The following SH3RF2 variants were observed in gnomAD, a reference collection of about 807,000 sequenced individuals.
SH3RF2 encodes SH3 domain containing ring finger 2.
SH3RF2 carries 43 observed loss-of-function variants against 59.0 expected under a neutral mutation model. That is an observed-to-expected ratio of 0.73 (90% CI 0.57 to 0.94). SH3RF2 has a LOEUF of 0.94. Ranked by LOEUF, SH3RF2 falls within the 40% of genes least tolerant of loss-of-function variation. SH3RF2 has a pLI of 0.00. For missense variants in SH3RF2, 930 were observed against 940.1 expected, an observed-to-expected ratio of 0.99 and a Z score of 0.14; for synonymous variants, 391 against 391.5, an observed-to-expected ratio of 1.00 and a Z score of 0.01.
intron 5 of SH3RF2, among the ~76,000 whole-genome samples, chr5:146,030,015 C>A (rs528748101): frequency 6.6e-6 from 1 of 152,308 alleles, no homozygotes; most frequent in African/African-American, 2.4e-5. Flanking sequence ...ATTGCAAGCA[C>A]CAGTTTGTCT....
intron 5 of SH3RF2, among the ~76,000 whole-genome samples, chr5:146,016,405 T>TGG (rs1580864762): frequency 2.0e-5 from 3 of 151,706 alleles, no homozygotes; most frequent in South Asian, 4.2e-4. Context: ...GATGGATGGA[T>TGG]AGATGATTGA....
At chr5:145,945,681 A>G (rs1274195978) in intron 2 of SH3RF2, among the ~76,000 whole-genome samples, 1 of 152,096 alleles carries the variant, frequency 6.6e-6, no homozygotes, top group Non-Finnish European at 1.5e-5. Flanking sequence ...GAAGGGAAGG[A>G]AACAGATAGA....
Position 146,037,671 on chromosome 5 carries a change from A to C in SH3RF2, c.1060-10101A>C, listed in dbSNP as rs187232358. ...CTTCAGAATAACATTGTAAGCATTT[A>C]AGAAATAGAATCAGCAATTTAAAAT... On this transcript the variant is annotated intron_variant, in intron 5 of 9. Coordinates refer to ENST00000359120, the MANE Select transcript of SH3RF2 (RefSeq NM_152550.4). Among the ~76,000 whole-genome samples, 25 of 152,358 alleles carry C rather than the reference A, an allele frequency of 1.6e-4. No individual in the cohort carries two copies. The East Asian group carries it at 3.1e-3, about 19-fold the overall frequency.
intron 2 of SH3RF2, among the ~76,000 whole-genome samples, chr5:145,993,502 C>T (rs182119322): frequency 6.6e-6 from 1 of 152,366 alleles, no homozygotes; most frequent in Admixed American, 6.5e-5. Flanking sequence ...CAGGTGTTTC[C>T]ATACATCTTC....
At chr5:146,056,238 G>A in intron 8 of SH3RF2, 25 bp downstream of exon 8, 2 of 1,613,860 alleles carry the variant, frequency 1.2e-6, no homozygotes, top group Non-Finnish European at 1.7e-6. Flanking sequence ...AGAGGTACGT[G>A]CCTAGAGCTA....
chr5:145,967,842 T>C (rs1473574614), intron 2 of SH3RF2, among the ~76,000 whole-genome samples: 2 of 152,114 alleles, frequency 1.3e-5, no homozygotes, highest in Non-Finnish European at 2.9e-5. Context: ...ATATTTTTAG[T>C]AGAGACAGGG....
At chr5:145,955,243 G>A (rs1005460247) in intron 2 of SH3RF2, among the ~76,000 whole-genome samples, 1 of 152,150 alleles carries the variant, frequency 6.6e-6, no homozygotes, top group Non-Finnish European at 1.5e-5. Context: ...ACAAAATCAT[G>A]TCCTTTGCAG....
chr5:145,937,778 G>A (rs7720187), intron 1 of SH3RF2, 45 bp from the exon 2 acceptor site: 14 of 868,528 alleles, frequency 1.6e-5, no homozygotes, highest in Middle Eastern at 3.7e-4. Context: ...TATACCTCTC[G>A]GAGCAGTCAC....
At chr5:146,033,883 A>T (rs182081826) in intron 5 of SH3RF2, among the ~76,000 whole-genome samples, 1 of 152,280 alleles carries the variant, frequency 6.6e-6, no homozygotes, top group African/African-American at 2.4e-5. Context: ...TCCCCCACAA[A>T]TATATCCCCA....
intron 5 of SH3RF2, among the ~76,000 whole-genome samples, chr5:146,042,716 T>C (rs955322160): frequency 1.3e-5 from 2 of 152,222 alleles, no homozygotes; most frequent in African/African-American, 4.8e-5. Context: ...CTCCCTCACT[T>C]AGCACCTGAA....
chr5:145,951,303 A>C (rs1299031695), intron 2 of SH3RF2, among the ~76,000 whole-genome samples: 1 of 152,206 alleles, frequency 6.6e-6, no homozygotes, highest in Non-Finnish European at 1.5e-5. Context: ...ATGCTGGCTC[A>C]TCTTGCAGCA....
At position 145,961,174 on chromosome 5, in the gene SH3RF2, C is replaced by CTTTTT. The variant is rs869156939; in HGVS notation, c.378+22888_378+22892dup. 6.3e-3 allele frequency among the ~76,000 whole-genome samples: 569 copies of CTTTTT among 90,956 alleles called. 55 individuals carry two copies. Among genetic ancestry groups the CTTTTT allele is most frequent in the African/African-American group, 0.025 (545 of 21,718 alleles). The allele number at this position is 90,956 out of a possible 152,430, so 59.7% of individuals were successfully genotyped here. A position where few individuals can be genotyped will look rare whatever the true frequency, so the allele number is the denominator to read the frequency against. Reference sequence around the variant, plus strand: ...GGAGCTGCTGCATTCCTGCATCCTCCTTTTTTTTTTTTTTTTTTTTTTTTG... The same window carrying CTTTTT: ...GGAGCTGCTGCATTCCTGCATCCTCCTTTTTTTTTTTTTTTTTTTTTTTTTTTTTG... On this transcript the variant is annotated intron_variant, in intron 2 of 9. Coordinates refer to ENST00000359120, the MANE Select transcript of SH3RF2 (RefSeq NM_152550.4).
In SH3RF2 at chr5:146,059,369, C is replaced by T. The variant is rs554042047; in HGVS notation, c.1556-497C>T. Reference sequence around the variant, plus strand: ...TTCTGTCAAGATTTTCACAGCAAGTCGCTGGGCAGAGTTTTCCTCTCTCCT... The same window carrying T: ...TTCTGTCAAGATTTTCACAGCAAGTTGCTGGGCAGAGTTTTCCTCTCTCCT... On this transcript the variant is annotated intron_variant, in intron 8 of 9. Coordinates refer to ENST00000359120, the MANE Select transcript of SH3RF2 (RefSeq NM_152550.4). 9.9e-5 allele frequency among the ~76,000 whole-genome samples: 15 copies of T among 152,150 alleles called. No individual in the cohort carries two copies. The East Asian group carries it at 2.1e-3, about 22-fold the overall frequency.
chr5:146,020,354 T>A (rs961439710), intron 5 of SH3RF2, among the ~76,000 whole-genome samples: 4 of 152,206 alleles, frequency 2.6e-5, no homozygotes, highest in Non-Finnish European at 5.9e-5. Context: ...CACCATGTAC[T>A]AGGCCACCTC....
chr5:146,004,035 G>T, intron 3 of SH3RF2, 23 bp from the exon 4 acceptor site: 2 of 1,603,644 alleles, frequency 1.2e-6, no homozygotes, highest in South Asian at 2.2e-5. Flanking sequence ...AGTAAATGCT[G>T]ACCATGAGAC....
intron 2 of SH3RF2, 140 bp downstream of exon 2, chr5:145,938,446 G>A: frequency 9.6e-7 from 1 of 1,038,708 alleles, no homozygotes; most frequent in Non-Finnish European, 1.3e-6. Context: ...TGTGGGCAGT[G>A]ATCATTTTAC....
At position 146,056,214 on chromosome 5, in the gene SH3RF2, G is replaced by A. The variant is rs1445729964; in HGVS notation, c.1555+1G>A. 1 of 1,614,228 alleles carries A rather than the reference G, an allele frequency of 6.2e-7. No individual in the cohort carries two copies. The highest frequency in any genetic ancestry group is 8.5e-7 in the Non-Finnish European group (1 of 1,180,050). On this transcript the variant is annotated splice_donor_variant, in intron 8 of 9. Coordinates refer to ENST00000359120, the MANE Select transcript of SH3RF2 (RefSeq NM_152550.4). LOFTEE classifies it high-confidence loss of function. ...AAAGGGCGGAGCAGCATGAGAAAGAGTAAGTGGTGGCAGAGAGGTACGTGC... is the reference window on the plus strand; with the variant it reads ...AAAGGGCGGAGCAGCATGAGAAAGAATAAGTGGTGGCAGAGAGGTACGTGC...
At chr5:146,003,889 T>A (rs1211062033) in intron 3 of SH3RF2, among the ~76,000 whole-genome samples, 169 bp from the exon 4 acceptor site, 5 of 152,228 alleles carry the variant, frequency 3.3e-5, no homozygotes, top group African/African-American at 1.2e-4. Context: ...ACACAAACAC[T>A]GCCCTTTATG....
Position 146,000,049 on chromosome 5 carries a change from C to T in SH3RF2, c.379-9C>T. On this transcript the variant is annotated splice_polypyrimidine_tract_variant and intron_variant, in intron 2 of 9. Coordinates refer to ENST00000359120, the MANE Select transcript of SH3RF2 (RefSeq NM_152550.4). ...TAAGTACATATCTTATTGGTCTGTGCCATTGCAGGTGCCTCGAGCAAAGGC... is the reference window on the plus strand; with the variant it reads ...TAAGTACATATCTTATTGGTCTGTGTCATTGCAGGTGCCTCGAGCAAAGGC... 6.2e-7 allele frequency: 1 copy of T among 1,611,734 alleles called. No homozygotes were observed. Among genetic ancestry groups the T allele is most frequent in the Non-Finnish European group, 8.5e-7 (1 of 1,179,138 alleles).
Sources: gnomAD v4.1 joint callset for allele counts (sites outside exome capture counted in the v4.1 genomes callset) on GRCh38, gnomAD v4.1.1 for gene constraint, MANE v1.5 for transcripts, NCBI Gene and HGNC (gene_info 2026-07-23, HGNC 2026-07-21) for gene names.